The following SLC43A1 variants were observed in gnomAD, a reference collection of about 807,000 sequenced individuals.
SLC43A1 encodes the protein solute carrier family 43 member 1, also known as large neutral amino acids transporter small subunit 3.
In SLC43A1, 31 loss-of-function variants were observed where a neutral mutation model predicts 59.5. That is an observed-to-expected ratio of 0.52 (90% CI 0.39 to 0.70). The LOEUF is 0.70. Among genes scored for constraint, SLC43A1 ranks in the 30% least tolerant of loss-of-function variants. The pLI is 0.00. For synonymous variants in SLC43A1, 259 were observed against 290.9 expected (o/e 0.89, Z 1.12); for missense variants, 598 against 717.8 (o/e 0.83, Z 1.91).
chr11:57,510,909 G>T (rs2135226891), intron 2 of SLC43A1, among the ~76,000 whole-genome samples: 1 of 152,232 alleles, frequency 6.6e-6, no homozygotes, highest in Non-Finnish European at 1.5e-5. Context: ...TTGAACCCAG[G>T]AGGTGGAGGT....
chr11:57,488,963 A>G lies in SLC43A1; in HGVS notation c.1362T>C (p.Ile454=). The change falls in exon 13 of 15, where the codon ATT becomes ATC. Residue 454 remains isoleucine (I), a synonymous_variant. Transcript: ENST00000278426. ...LQFVTFVLHT[I]VRGFFHSACG... is the part of the protein sequence containing the mutation. ...AGGCTGAGTGGAAGAAACCTCGAAC[A>G]ATGGTGTGCAGGACAAAGGTCACAA... 2 of 1,614,232 alleles carry G rather than the reference A, an allele frequency of 1.2e-6. No homozygotes were observed. The highest frequency in any genetic ancestry group is 1.7e-6 in the Non-Finnish European group (2 of 1,180,028).
At chr11:57,501,090 C>T (rs1245104066) in intron 3 of SLC43A1, 47 bp from the exon 4 acceptor site, 1 of 1,608,040 alleles carries the variant, frequency 6.2e-7, no homozygotes. Context: ...TGAGCACCCC[C>T]CCTCCCCTCC....
At chr11:57,496,585 C>A (rs185324388) in intron 6 of SLC43A1, among the ~76,000 whole-genome samples, 31 of 152,286 alleles carry the variant, frequency 2.0e-4, no homozygotes, top group Admixed American at 6.5e-4. Flanking sequence ...GTTTATCCTG[C>A]CCCTTCCTGG....
chr11:57,501,186 G>A lies in SLC43A1; in HGVS notation c.298C>T (p.Arg100Cys), dbSNP rs201417664. 88 of 1,612,376 alleles carry A rather than the reference G, an allele frequency of 5.5e-5. No homozygotes were observed. Among genetic ancestry groups the A allele is most frequent in the Admixed American group, 1.8e-4 (11 of 60,032 alleles). Residue 100 changes from arginine (R) to cysteine (C), a missense_variant, in exon 3 of 15, where the codon CGC (arginine) becomes TGC (cysteine). Transcript: ENST00000278426. ...TTLPLGILMD[R>C]FGPRPVRLVG... is the part of the protein sequence containing the mutation. Reference sequence around the variant, plus strand: ...AGCCGCACGGGTCGGGGGCCAAAGCGGTCCATGAGGATCCCCAGTGGCAGG... The same window carrying A: ...AGCCGCACGGGTCGGGGGCCAAAGCAGTCCATGAGGATCCCCAGTGGCAGG...
intron 2 of SLC43A1, among the ~76,000 whole-genome samples, chr11:57,508,906 CG>C (rs1944457910): frequency 6.6e-6 from 1 of 151,874 alleles, no homozygotes; most frequent in African/African-American, 2.4e-5. Context: ...CACTTGAGGC[CG>C]GGAGTTCCAG....
In SLC43A1 at chr11:57,501,509, C is replaced by A. The variant is rs921492378; in HGVS notation, c.155-180G>T. On this transcript the variant is annotated intron_variant, in intron 2 of 14. Coordinates refer to ENST00000278426, the MANE Select transcript of SLC43A1 (RefSeq NM_003627.6). Reference sequence around the variant, plus strand: ...GAAATGGCAGCCATTAGTACCTGACCCTGGGAGAGTCTTGTGCACACACAG... The same window carrying A: ...GAAATGGCAGCCATTAGTACCTGACACTGGGAGAGTCTTGTGCACACACAG... The A allele has an allele frequency of 1.6e-5, 10 of 616,664 alleles. No individual in the cohort carries two copies. In the African/African-American group the frequency reaches 1.8e-4, roughly 11 times the overall value. 38.2% of individuals were successfully genotyped at this position (616,664 alleles called of 1,614,324 possible).
At chr11:57,501,621 G>A (rs566152197) in intron 2 of SLC43A1, among the ~76,000 whole-genome samples, 2 of 152,170 alleles carry the variant, frequency 1.3e-5, no homozygotes, top group South Asian at 4.1e-4. Context: ...AAGCTTAGGG[G>A]GTTGTGGACC....
chr11:57,497,822 C>T lies in SLC43A1; in HGVS notation c.489G>A (p.Leu163=). ...TCATGAGGGCCATTAACGTGGAGCG[C>T]AGGTTCCCAAACATGTTGGGCAGCT... ...SLTLPNMFGN[L]RSTLMALMIG... The change falls in exon 6 of 15, where the codon CTG becomes CTA. Residue 163 remains leucine (L), a synonymous_variant. Coordinates refer to ENST00000278426, the MANE Select transcript of SLC43A1 (RefSeq NM_003627.6). 1 of 1,613,474 alleles carries T rather than the reference C, an allele frequency of 6.2e-7. No homozygotes were observed. Among genetic ancestry groups the T allele is most frequent in the Non-Finnish European group, 8.5e-7 (1 of 1,179,864 alleles).
chr11:57,497,275 C>A (rs1209646078), intron 6 of SLC43A1, among the ~76,000 whole-genome samples: 1 of 152,160 alleles, frequency 6.6e-6, no homozygotes, highest in Non-Finnish European at 1.5e-5. Flanking sequence ...AAACTTTGGT[C>A]CCCTGGCTTC....
intron 8 of SLC43A1, among the ~76,000 whole-genome samples, chr11:57,492,548 A>G (rs1160865377): frequency 5.0e-5 from 1 of 19,936 alleles, no homozygotes; most frequent in African/African-American, 1.4e-4. Flanking sequence ...ATATATATAT[A>G]TATATATATA....
chr11:57,504,110 T>C (rs886599813), intron 2 of SLC43A1, among the ~76,000 whole-genome samples: 2 of 152,054 alleles, frequency 1.3e-5, no homozygotes, highest in African/African-American at 4.8e-5. Context: ...GGCAGGAGAA[T>C]GGCGTGAACC....
In SLC43A1 at chr11:57,500,860, A is replaced by C. The variant is rs1469515553; in HGVS notation, c.389-5T>G. ...GGAATATCAACGGAGACAGAGCTGGAAAGGGGAAAGCAGCAGATGAGGGCA... is the reference window on the plus strand; with the variant it reads ...GGAATATCAACGGAGACAGAGCTGGCAAGGGGAAAGCAGCAGATGAGGGCA... On this transcript the variant is annotated splice_polypyrimidine_tract_variant and splice_region_variant and intron_variant, in intron 4 of 14. Coordinates refer to ENST00000278426, the MANE Select transcript of SLC43A1 (RefSeq NM_003627.6). The C allele has an allele frequency of 2.5e-6, 4 of 1,614,144 alleles. No homozygotes were observed. Among genetic ancestry groups the C allele is most frequent in the Non-Finnish European group, 3.4e-6 (4 of 1,179,984 alleles).
intron 5 of SLC43A1, among the ~76,000 whole-genome samples, chr11:57,500,275 C>T (rs1944222270): frequency 6.6e-6 from 1 of 152,184 alleles, no homozygotes; most frequent in Admixed American, 6.5e-5. Flanking sequence ...TTCACAGGGA[C>T]GGGGTCACAC....
intron 2 of SLC43A1, among the ~76,000 whole-genome samples, chr11:57,509,542 C>T (rs570351869): frequency 1.3e-5 from 2 of 149,712 alleles, no homozygotes; most frequent in East Asian, 2.0e-4. Context: ...GAGCCAAGAT[C>T]GTGCCACTAC....
intron 12 of SLC43A1, 36 bp from the exon 13 acceptor site, chr11:57,489,025 AGT>A (rs766855806): frequency 1.9e-6 from 3 of 1,596,556 alleles, no homozygotes; most frequent in Non-Finnish European, 2.6e-6. Context: ...AGGTTAGGAG[AGT>A]GTGTGGAGGC....
chr11:57,487,307 G>A (rs981419088), intron 13 of SLC43A1, 89 bp from the exon 14 acceptor site: 44 of 1,498,372 alleles, frequency 2.9e-5, no homozygotes, highest in Non-Finnish European at 3.5e-5. Context: ...CATGGTCCCC[G>A]CTGGCCAGGC....
chr11:57,500,743 G>A lies in SLC43A1; in HGVS notation c.465+36C>T, dbSNP rs747020334. 8.7e-6 allele frequency: 14 copies of A among 1,602,774 alleles called. No homozygotes were observed. The Admixed American group carries it at 2.2e-4, about 25-fold the overall frequency. ...TCACTCTGCCCTCACCCCACTCGGGGGAACTCTGCTGCCAGGCCAGGCCTG... is the reference window on the plus strand; with the variant it reads ...TCACTCTGCCCTCACCCCACTCGGGAGAACTCTGCTGCCAGGCCAGGCCTG... On this transcript the variant is annotated intron_variant, in intron 5 of 14. Coordinates refer to ENST00000278426, the MANE Select transcript of SLC43A1 (RefSeq NM_003627.6).
At chr11:57,513,315 T>G (rs1944600474) in intron 2 of SLC43A1, among the ~76,000 whole-genome samples, 1 of 152,192 alleles carries the variant, frequency 6.6e-6, no homozygotes, top group South Asian at 2.1e-4. Flanking sequence ...AATAGGAAGA[T>G]ACCCATCAGA....
chr11:57,503,110 T>C (rs1944308197), intron 2 of SLC43A1, among the ~76,000 whole-genome samples: 1 of 151,896 alleles, frequency 6.6e-6, no homozygotes, highest in Non-Finnish European at 1.5e-5. Flanking sequence ...AGATCCTGAG[T>C]GTTGACCAGC....
Sources: allele counts gnomAD v4.1 joint callset (sites outside exome capture counted in the v4.1 genomes callset), GRCh38; gene constraint gnomAD v4.1.1; transcripts MANE v1.5; gene names NCBI Gene and HGNC (gene_info 2026-07-23, HGNC 2026-07-21).